Variants in ROBO1 observed in about 807,000 individuals in gnomAD.
The protein encoded by ROBO1 is roundabout guidance receptor 1.
In ROBO1, 149 loss-of-function variants were observed where a neutral mutation model predicts 195.9. That is an observed-to-expected ratio of 0.76 (90% CI 0.67 to 0.87). The LOEUF (loss-of-function observed/expected upper bound fraction) is 0.87. ROBO1 is among the 40% of genes least tolerant of loss of function. The pLI is 0.00. For missense variants in ROBO1, 1,933 were observed against 2,068.3 expected, an observed-to-expected ratio of 0.93 and a Z score of 1.27; for synonymous variants, 816 against 733.2, an observed-to-expected ratio of 1.11 and a Z score of -1.82.
chr3:78,885,738 A>G (rs1446830606), intron 4 of ROBO1, among the ~76,000 whole-genome samples: 1 of 151,280 alleles, frequency 6.6e-6, no homozygotes, highest in East Asian at 1.9e-4. Context: ...GTGTAATAGC[A>G]GACACCTACA....
At chr3:79,018,408 T>A (rs1369580840) in intron 3 of ROBO1, 2 of 1,613,726 alleles carry the variant, frequency 1.2e-6, no homozygotes, top group South Asian at 1.1e-5. Context: ...CGGGGTTACC[T>A]GAACAGAGAC....
chr3:78,906,212 C>T (rs1440470765), intron 4 of ROBO1, among the ~76,000 whole-genome samples: 3 of 152,078 alleles, frequency 2.0e-5, no homozygotes, highest in Non-Finnish European at 1.5e-5. Context: ...CTAATTCACA[C>T]GGAATCGTGT....
At position 79,688,370 on chromosome 3, in the gene ROBO1, T is replaced by A. The variant is rs561048240; in HGVS notation, c.-51+79382A>T. ...GTACCCTAAAACTTAAAGTATAATT[T>A]TAAAAAAATCACACAGCTTTTTCTT... On this transcript the variant is annotated intron_variant, in intron 1 of 30. Transcript: ENST00000464233. Among the ~76,000 whole-genome samples, 357 of 151,876 alleles carry A rather than the reference T, an allele frequency of 2.4e-3. 1 individual carries two copies. Among genetic ancestry groups the A allele is most frequent in the African/African-American group, 8.5e-3 (351 of 41,478 alleles).
At chr3:79,287,172 A>T (rs2031938913) in intron 2 of ROBO1, among the ~76,000 whole-genome samples, 1 of 152,186 alleles carries the variant, frequency 6.6e-6, no homozygotes, top group East Asian at 1.9e-4. Flanking sequence ...TCAACATCTG[A>T]AATAAATTAT....
intron 4 of ROBO1, among the ~76,000 whole-genome samples, chr3:78,840,547 G>T (rs2033108014): frequency 6.6e-6 from 1 of 152,164 alleles, no homozygotes; most frequent in Admixed American, 6.6e-5. Flanking sequence ...GCCAAGGCAA[G>T]AGGTCGCATT....
intron 2 of ROBO1, among the ~76,000 whole-genome samples, chr3:79,230,511 T>G (rs934575981): frequency 6.6e-6 from 1 of 151,798 alleles, no homozygotes; most frequent in Non-Finnish European, 1.5e-5. Flanking sequence ...ATAGCAAATG[T>G]AAAGTAAGCA....
In ROBO1 at chr3:79,441,628, C is replaced by G. The variant is rs958371393; in HGVS notation, c.88+148196G>C. Among the ~76,000 whole-genome samples, 21 of 152,152 alleles carry G rather than the reference C, an allele frequency of 1.4e-4. 1 individual carries two copies. The highest frequency in any genetic ancestry group is 4.8e-4 in the African/African-American group (20 of 41,538). ...TCCTTAGTCCTTCAAATAACTTCAT[C>G]TTGAATTTCTATCCTCAGAAAAAGC... On this transcript the variant is annotated intron_variant, in intron 2 of 30. Transcript: ENST00000464233.
chr3:79,732,781 T>A (rs767986951), intron 1 of ROBO1, among the ~76,000 whole-genome samples: 1 of 152,220 alleles, frequency 6.6e-6, no homozygotes, highest in Non-Finnish European at 1.5e-5. Context: ...CAATCATCAC[T>A]TACAAGATGA....
chr3:79,119,754 A>G (rs2080081126), intron 3 of ROBO1, among the ~76,000 whole-genome samples: 1 of 151,310 alleles, frequency 6.6e-6, no homozygotes, highest in Admixed American at 6.6e-5. Flanking sequence ...TGATCCACAG[A>G]TGAGTGATTC....
intron 5 of ROBO1, among the ~76,000 whole-genome samples, chr3:78,744,447 G>A (rs2108270887): frequency 6.6e-6 from 1 of 152,226 alleles, no homozygotes. Flanking sequence ...ACCTTACTTA[G>A]AAGAAAAGCC....
chr3:79,352,977 G>T (rs1473115636), intron 2 of ROBO1, among the ~76,000 whole-genome samples: 1 of 152,064 alleles, frequency 6.6e-6, no homozygotes, highest in Non-Finnish European at 1.5e-5. Flanking sequence ...TATTATTATT[G>T]TACTGATTAC....
chr3:79,243,443 C>A (rs1253575402), intron 2 of ROBO1, among the ~76,000 whole-genome samples: 1 of 152,068 alleles, frequency 6.6e-6, no homozygotes, highest in Admixed American at 6.6e-5. Context: ...AGTTTACAGT[C>A]CCACCAACAG....
intron 2 of ROBO1, among the ~76,000 whole-genome samples, chr3:79,467,147 A>G (rs1453517465): frequency 6.6e-6 from 1 of 152,130 alleles, no homozygotes; most frequent in Non-Finnish European, 1.5e-5. Context: ...CATCTCTGCA[A>G]CAGCATAGTC....
intron 2 of ROBO1, among the ~76,000 whole-genome samples, chr3:79,485,640 C>T (rs1939119519): frequency 1.3e-5 from 2 of 152,198 alleles, no homozygotes; most frequent in Non-Finnish European, 2.9e-5. Flanking sequence ...ATTATTAACT[C>T]ATTTAATCCT....
chr3:79,436,446 T>C (rs914409897), intron 2 of ROBO1, among the ~76,000 whole-genome samples: 1 of 152,104 alleles, frequency 6.6e-6, no homozygotes, highest in African/African-American at 2.4e-5. Flanking sequence ...TCACCGCAGA[T>C]AGTTTTAGTG....
chr3:78,776,335 T>G (rs1451636374), intron 4 of ROBO1, among the ~76,000 whole-genome samples: 3 of 152,130 alleles, frequency 2.0e-5, no homozygotes, highest in Non-Finnish European at 4.4e-5. Context: ...CACTGCAACC[T>G]CCACCTCCCG....
chr3:78,772,057 A>G (rs921454308), intron 4 of ROBO1, among the ~76,000 whole-genome samples: 2 of 152,164 alleles, frequency 1.3e-5, no homozygotes, highest in African/African-American at 4.8e-5. Context: ...AATGTTGACA[A>G]AAACCATATA....
At chr3:79,517,496 C>G (rs1356936141) in intron 2 of ROBO1, among the ~76,000 whole-genome samples, 1 of 152,108 alleles carries the variant, frequency 6.6e-6, no homozygotes, top group Admixed American at 6.6e-5. Flanking sequence ...ATTAGTAGGT[C>G]CTAGGATTTA....
intron 1 of ROBO1, among the ~76,000 whole-genome samples, chr3:79,730,059 T>G (rs774089124): frequency 3.3e-5 from 5 of 152,332 alleles, no homozygotes; most frequent in Non-Finnish European, 5.9e-5. Context: ...TTATCCCCAT[T>G]GATGATTCTC....
Sources: gnomAD v4.1 joint callset for allele counts (sites outside exome capture counted in the v4.1 genomes callset) on GRCh38, gnomAD v4.1.1 for gene constraint, MANE v1.5 for transcripts, NCBI Gene and HGNC (gene_info 2026-07-23, HGNC 2026-07-21) for gene names.